Variants in STT3B observed in about 807,000 individuals in gnomAD.
STT3B encodes dolichyl-diphosphooligosaccharide--protein glycosyltransferase subunit STT3B.
STT3B carries 29 observed loss-of-function variants against 96.8 expected under a neutral mutation model. The observed-to-expected ratio is 0.30, with a 90% CI of 0.22 to 0.41. STT3B has a LOEUF of 0.41. Among genes scored for constraint, STT3B ranks in the 10% least tolerant of loss-of-function variants. The pLI is 1.00. For missense variants in STT3B, 640 were observed against 1,022.3 expected (o/e 0.63, Z 5.10); for synonymous variants, 367 against 360.0 (o/e 1.02, Z -0.22).
At chr3:31,614,864 A>C (rs1022176887) in intron 5 of STT3B, among the ~76,000 whole-genome samples, 1 of 151,958 alleles carries the variant, frequency 6.6e-6, no homozygotes, top group African/African-American at 2.4e-5. Context: ...ATGCAACACA[A>C]GTCTCACAAA....
chr3:31,538,178 C>T (rs1197477357), intron 1 of STT3B, among the ~76,000 whole-genome samples: 1 of 152,158 alleles, frequency 6.6e-6, no homozygotes, highest in African/African-American at 2.4e-5. Flanking sequence ...TCTTCCTATC[C>T]ATTACTACTT....
chr3:31,636,311 T>C lies in STT3B; in HGVS notation c.*247T>C, dbSNP rs929771537. The stretch of plus-strand genomic sequence containing the variant: ...AATGTCTAGCAGCAGATTTTTTTTT[T>C]ATTGGTACATATTATCCTTCAAATC... On this transcript the variant is annotated 3_prime_UTR_variant, in exon 16 of 16. Coordinates refer to ENST00000295770, the MANE Select transcript of STT3B (RefSeq NM_178862.3). The C allele has an allele frequency of 1.6e-5, 5 of 314,774 alleles. No homozygotes were observed. The highest frequency in any genetic ancestry group is 2.9e-5 in the Non-Finnish European group (5 of 170,618). 19.5% of individuals were successfully genotyped at this position (314,774 alleles called of 1,614,324 possible). A position where few individuals can be genotyped will look rare whatever the true frequency, so the allele number is the denominator to read the frequency against.
intron 5 of STT3B, among the ~76,000 whole-genome samples, chr3:31,605,510 G>C (rs1303710999): frequency 6.6e-6 from 1 of 150,980 alleles, no homozygotes; most frequent in East Asian, 1.9e-4. Context: ...TGGTGAGTAA[G>C]TCTCACAAGA....
chr3:31,542,040 C>T lies in STT3B; in HGVS notation c.314+8728C>T, dbSNP rs1324683571. 3.9e-5 allele frequency among the ~76,000 whole-genome samples: 6 copies of T among 152,236 alleles called. No homozygotes were observed. In the East Asian group the frequency reaches 1.2e-3, roughly 29 times the overall value. ...GCTGAACCCTTGAGGTGGAGTCATC[C>T]TTGACTAGAGTAACTTTGACAACTT... On this transcript the variant is annotated intron_variant, in intron 1 of 15. Coordinates refer to ENST00000295770, the MANE Select transcript of STT3B (RefSeq NM_178862.3).
At chr3:31,618,453 T>G (rs2125473732) in intron 8 of STT3B, among the ~76,000 whole-genome samples, 1 of 151,942 alleles carries the variant, frequency 6.6e-6, no homozygotes, top group Middle Eastern at 3.4e-3. Context: ...ATATCTGTTG[T>G]GGTTTTTTTT....
chr3:31,541,472 G>GT (rs1302731899), intron 1 of STT3B, among the ~76,000 whole-genome samples: 4,344 of 106,690 alleles, frequency 0.041, 180 homozygotes, highest in African/African-American at 0.12. Flanking sequence ...TTCTTTTTTT[G>GT]TTTTTTTTTT....
chr3:31,533,896 CATG>C, intron 1 of STT3B, among the ~76,000 whole-genome samples: 1 of 152,286 alleles, frequency 6.6e-6, no homozygotes, highest in East Asian at 1.9e-4. Context: ...TTTATGCTCT[CATG>C]ATACGAGAAG....
chr3:31,629,193 A>G (rs911481266), intron 13 of STT3B, 105 bp from the exon 14 acceptor site: 20 of 697,842 alleles, frequency 2.9e-5, no homozygotes, highest in Non-Finnish European at 4.7e-5. Flanking sequence ...TGGCTTTATA[A>G]AGATACCTCA....
intron 5 of STT3B, among the ~76,000 whole-genome samples, chr3:31,605,217 G>A (rs976286439): frequency 6.6e-6 from 1 of 151,700 alleles, no homozygotes; most frequent in Non-Finnish European, 1.5e-5. Flanking sequence ...TTTTTTTTAA[G>A]TGAAAATAAA....
intron 5 of STT3B, among the ~76,000 whole-genome samples, chr3:31,610,031 A>G (rs920590970): frequency 5.3e-5 from 8 of 152,160 alleles, no homozygotes; most frequent in African/African-American, 1.9e-4. Context: ...AAGAGAAATG[A>G]TTTTTATCAT....
intron 1 of STT3B, among the ~76,000 whole-genome samples, chr3:31,541,454 CTT>C (rs1175760486): frequency 8.2e-6 from 1 of 121,382 alleles, no homozygotes; most frequent in Non-Finnish European, 1.8e-5. Context: ...GCTTTTGTGT[CTT>C]TTTTTTTCTT....
Position 31,533,145 on chromosome 3 carries a change from G to A in STT3B, c.147G>A (p.Ala49=). 1 of 1,290,186 alleles carries A rather than the reference G, an allele frequency of 7.8e-7. No individual in the cohort carries two copies. Among genetic ancestry groups the A allele is most frequent in the South Asian group, 2.9e-5 (1 of 34,836 alleles). 79.9% of individuals were successfully genotyped at this position (1,290,186 alleles called of 1,614,324 possible). A position where few individuals can be genotyped will look rare whatever the true frequency, so the allele number is the denominator to read the frequency against. ...CGCACAAGGCGGCGGGCGGCGCGGC[G>A]CCGCCGAAGCCGGCCCCGGCGGGGC... ...QCAHKAAGGA[A]PPKPAPAGLS... Residue 49 remains alanine (A), a synonymous_variant, in exon 1 of 16, where the codon GCG becomes GCA. Transcript: ENST00000295770.
intron 1 of STT3B, among the ~76,000 whole-genome samples, chr3:31,569,803 T>C (rs986382644): frequency 6.6e-6 from 1 of 152,090 alleles, no homozygotes; most frequent in Non-Finnish European, 1.5e-5. Context: ...ACTATAATTG[T>C]GTGTGAGAGT....
At chr3:31,572,253 A>C (rs1468939849) in intron 1 of STT3B, among the ~76,000 whole-genome samples, 1 of 147,424 alleles carries the variant, frequency 6.8e-6, no homozygotes, top group African/African-American at 2.5e-5. Context: ...AGCAGTTCTT[A>C]TATGTAATTA....
At chr3:31,594,715 C>CA (rs1233480789) in intron 3 of STT3B, among the ~76,000 whole-genome samples, 3 of 152,190 alleles carry the variant, frequency 2.0e-5, no homozygotes, top group South Asian at 4.1e-4. Context: ...CCACTGGGCC[C>CA]AGCCCCCCTT....
At chr3:31,613,957 A>T (rs1017039817) in intron 5 of STT3B, among the ~76,000 whole-genome samples, 1 of 151,922 alleles carries the variant, frequency 6.6e-6, no homozygotes, top group South Asian at 2.1e-4. Context: ...GGTCCTTCCT[A>T]TTAAATTTAT....
chr3:31,585,375 G>T (rs571803384), intron 3 of STT3B, among the ~76,000 whole-genome samples: 17 of 152,090 alleles, frequency 1.1e-4, no homozygotes, highest in East Asian at 9.7e-4. Flanking sequence ...AGTAATAATT[G>T]TACCTTCCTT....
chr3:31,593,610 A>G (rs1391099550), intron 3 of STT3B, among the ~76,000 whole-genome samples: 1 of 152,012 alleles, frequency 6.6e-6, no homozygotes, highest in African/African-American at 2.4e-5. Flanking sequence ...CTGTTGACCT[A>G]TCTTCATGCT....
Position 31,579,736 on chromosome 3 carries a change from T to TAAA in STT3B, c.424-73_424-72insAAA, listed in dbSNP as rs58289734. The TAAA allele has an allele frequency of 0.94, 1,107,775 of 1,177,284 alleles. 521,799 individuals carry two copies. Among genetic ancestry groups the TAAA allele is most frequent in the Admixed American group, 0.96 (34,373 of 35,860 alleles). 72.9% of individuals were successfully genotyped at this position (1,177,284 alleles called of 1,614,324 possible). On this transcript the variant is annotated intron_variant, in intron 2 of 15. Coordinates refer to ENST00000295770, the MANE Select transcript of STT3B (RefSeq NM_178862.3). ...ATGTAAGGTAAACAAAATGTAATGATGAAGAGTACATACATTAATATTTTT... is the reference window on the plus strand; with the variant it reads ...ATGTAAGGTAAACAAAATGTAATGATAAAGAAGAGTACATACATTAATATTTTT...
Sources: allele counts gnomAD v4.1 joint callset (sites outside exome capture counted in the v4.1 genomes callset), GRCh38; gene constraint gnomAD v4.1.1; transcripts MANE v1.5; gene names NCBI Gene and HGNC (gene_info 2026-07-23, HGNC 2026-07-21).